Variants in C1QTNF8 observed in about 807,000 individuals in gnomAD.
C1QTNF8 encodes complement C1q tumor necrosis factor-related protein 8.
C1QTNF8 carries 27 observed loss-of-function variants against 19.2 expected under a neutral mutation model. The observed-to-expected ratio is 1.41, with a 90% CI of 1.04 to 1.94. The LOEUF is 1.94. C1QTNF8 is among the 30% of genes most tolerant of loss of function. C1QTNF8 has a pLI of 0.00. For synonymous variants in C1QTNF8, 208 were observed against 172.8 expected, an observed-to-expected ratio of 1.20 and a Z score of -1.60; for missense variants, 484 against 374.4, an observed-to-expected ratio of 1.29 and a Z score of -2.42.
intron 3 of C1QTNF8, 87 bp from the exon 4 acceptor site, chr16:1,094,138 A>G: frequency 9.0e-7 from 1 of 1,112,014 alleles, no homozygotes; most frequent in Non-Finnish European, 1.2e-6. Flanking sequence ...GCTGGGGCTC[A>G]AGGGTCACTG....
rs552274295 is a variant in C1QTNF8, at chr16:1,093,839, C to G, written c.421G>C (p.Glu141Gln). ...AAGGCGCCGTCCAGGTTCACCAGCT[C>G]CGTGTCGAAGGGCACCGCCTGGAAG... ...DHFQAVPFDT[E>Q]LVNLDGAFDL... Residue 141 changes from glutamate to glutamine, a missense_variant, in exon 4 of 5, where the codon GAG becomes CAG. Coordinates refer to ENST00000328449, the MANE Select transcript of C1QTNF8 (RefSeq NM_207419.3). The G allele has an allele frequency of 9.3e-6, 15 of 1,607,452 alleles. No individual in the cohort carries two copies. The highest frequency in any genetic ancestry group is 1.3e-5 in the Non-Finnish European group (15 of 1,179,278).
At position 1,095,058 on chromosome 16, in the gene C1QTNF8, G is replaced by A. The variant is rs548285972; in HGVS notation, c.-11-125C>T. 1.2e-4 allele frequency: 52 copies of A among 432,004 alleles called. 1 individual carries two copies. In the South Asian group the frequency reaches 4.5e-3, roughly 37 times the overall value. 26.8% of individuals were successfully genotyped at this position (432,004 alleles called of 1,614,324 possible). A position where few individuals can be genotyped will look rare whatever the true frequency, so the allele number is the denominator to read the frequency against. On this transcript the variant is annotated intron_variant, in intron 2 of 4. Coordinates refer to ENST00000328449, the MANE Select transcript of C1QTNF8 (RefSeq NM_207419.3). ...CCAGTGGAGGCGGGAGCTTCTGCCT[G>A]GGCACGGACGGTCCTGGCCCAGTGG...
rs115861586 is a variant in C1QTNF8, at chr16:1,094,592, G to C, written c.208+123C>G. On this transcript the variant is annotated intron_variant, in intron 3 of 4. Transcript: ENST00000328449. ...GGTCCCTGTGCAGGGAGCGCTGCCA[G>C]GGCAGACACTGGTGCTCAGCGTGCC... The C allele has an allele frequency of 2.1e-3, 1,517 of 726,516 alleles. 26 individuals carry two copies. In the African/African-American group the frequency reaches 0.026, roughly 12 times the overall value. The allele number at this position is 726,516 out of a possible 1,614,324, so 45.0% of individuals were successfully genotyped here. A position where few individuals can be genotyped will look rare whatever the true frequency, so the allele number is the denominator to read the frequency against.
chr16:1,093,454 A>ACGCGCGCGCGCGCGCGCG (rs768236099), intron 4 of C1QTNF8, 43 bp downstream of exon 4: 2 of 1,207,240 alleles, frequency 1.7e-6, no homozygotes, highest in East Asian at 4.0e-5. Flanking sequence ...ACACACACAC[A>ACGCGCGCGCGCGCGCGCG]CACGCGCGCG....
chr16:1,093,452 A>ACCCGCGCG, intron 4 of C1QTNF8, 45 bp downstream of exon 4: 1 of 1,229,946 alleles, frequency 8.1e-7, no homozygotes, highest in African/African-American at 2.4e-5. Flanking sequence ...AGACACACAC[A>ACCCGCGCG]CACACGCGCG....
chr16:1,091,662 G>A (rs1363105673), intron 4 of C1QTNF8, among the ~76,000 whole-genome samples: 2 of 152,132 alleles, frequency 1.3e-5, no homozygotes, highest in African/African-American at 2.4e-5. Context: ...CCCTGTCTAA[G>A]CATAAGGCAA....
In C1QTNF8 at chr16:1,094,801, C is replaced by T. The variant is rs771420199; in HGVS notation, c.122G>A (p.Arg41Gln). The T allele has an allele frequency of 7.8e-6, 12 of 1,529,674 alleles. No homozygotes were observed. Among genetic ancestry groups the T allele is most frequent in the East Asian group, 2.6e-5 (1 of 38,876 alleles). The allele number at this position is 1,529,674 out of a possible 1,614,324, so 94.8% of individuals were successfully genotyped here. The change falls in exon 3 of 5, where the codon CGG (arginine) becomes CAG (glutamine). Residue 41 changes from arginine to glutamine, a missense_variant. Transcript: ENST00000328449. Reference protein sequence around the residue: ...RPAWPPGPYARVSDRDLWRGD... With the variant: ...RPAWPPGPYAQVSDRDLWRGD... ...CCTCCACAGGTCCCTGTCACTCACC[C>T]GGGCATAGGGTCCAGGGGGCCAGGC...
rs182039006 is a variant in C1QTNF8 at position 1,093,472 on chromosome 16, G to A, written c.*4+25C>T. The A allele has an allele frequency of 7.6e-6, 10 of 1,310,060 alleles. No homozygotes were observed. The African/African-American group carries it at 9.5e-5, about 12-fold the overall frequency. The allele number at this position is 1,310,060 out of a possible 1,614,324, so 81.2% of individuals were successfully genotyped here. On this transcript the variant is annotated intron_variant, in intron 4 of 4. Transcript: ENST00000328449. ...CACACACACACGCGCGCGCGCGCCC[G>A]GTGCTCAGCCGCGGGGCCCCTCACC...
chr16:1,094,646 T>C (rs1960645245), intron 3 of C1QTNF8, 69 bp downstream of exon 3: 3 of 1,346,662 alleles, frequency 2.2e-6, no homozygotes, highest in South Asian at 2.7e-5. Flanking sequence ...AAGCCCCAGG[T>C]GCTCCCCACT....
chr16:1,093,415 CACACCCACCCCCA>C, intron 4 of C1QTNF8, 69 bp downstream of exon 4: 1 of 950,972 alleles, frequency 1.1e-6, no homozygotes, highest in Admixed American at 3.2e-5. Flanking sequence ...CACACACACC[CACACCCACCCCCA>C]CACACACACA....
At position 1,094,813 on chromosome 16, in the gene C1QTNF8, C is replaced by A. The variant is rs765790729; in HGVS notation, c.110G>T (p.Gly37Val). The A allele has an allele frequency of 6.7e-7, 1 of 1,496,858 alleles. No individual in the cohort carries two copies. Among genetic ancestry groups the A allele is most frequent in the South Asian group, 1.4e-5 (1 of 73,548 alleles). The allele number at this position is 1,496,858 out of a possible 1,614,324, so 92.7% of individuals were successfully genotyped here. The change falls in exon 3 of 5, where the codon GGA becomes GTA. Residue 37 changes from glycine to valine, a missense_variant. Gly to Val is a moderately radical substitution (Grantham distance 109, BLOSUM62 -3). Transcript: ENST00000328449. ...VHCCRPAWPPGPYARVSDRDL... is the reference protein window; with the variant it reads ...VHCCRPAWPPVPYARVSDRDL... ...CCTGTCACTCACCCGGGCATAGGGTCCAGGGGGCCAGGCCGGGCGGCAGCA... is the reference window on the plus strand; with the variant it reads ...CCTGTCACTCACCCGGGCATAGGGTACAGGGGGCCAGGCCGGGCGGCAGCA...
At position 1,089,743 on chromosome 16, in the gene C1QTNF8, C is replaced by T. The variant is rs1323538834; in HGVS notation, c.*856G>A. 1.3e-5 allele frequency among the ~76,000 whole-genome samples: 2 copies of T among 152,224 alleles called. No individual in the cohort carries two copies. The highest frequency in any genetic ancestry group is 6.5e-5 in the Admixed American group (1 of 15,288). On this transcript the variant is annotated 3_prime_UTR_variant, in exon 5 of 5. Coordinates refer to ENST00000328449, the MANE Select transcript of C1QTNF8 (RefSeq NM_207419.3). ...CCTGGCACCTCTTAGCGCCACCGGC[C>T]GTCAGCACACGGGGTAGGGCTGGGG...
Position 1,093,986 on chromosome 16 carries a change from C to T in C1QTNF8, c.274G>A (p.Ala92Thr), listed in dbSNP as rs545085874. 9.5e-6 allele frequency: 14 copies of T among 1,468,810 alleles called. No homozygotes were observed. Among genetic ancestry groups the T allele is most frequent in the Middle Eastern group, 2.0e-4 (1 of 5,086 alleles). The allele number at this position is 1,468,810 out of a possible 1,614,324, so 91.0% of individuals were successfully genotyped here. ...CCTCTGCGGCCCTGCAGGCCCCGGGCGCCTGGCGGCCCCTCTTTCCCGCTC... is the reference window on the plus strand; with the variant it reads ...CCTCTGCGGCCCTGCAGGCCCCGGGTGCCTGGCGGCCCCTCTTTCCCGCTC... ...GRSGKEGPPGARGLQGRRGQK... is the reference protein window; with the variant it reads ...GRSGKEGPPGTRGLQGRRGQK... The change falls in exon 4 of 5, where the codon GCC becomes ACC. Residue 92 changes from alanine (A) to threonine (T), a missense_variant. Coordinates refer to ENST00000328449, the MANE Select transcript of C1QTNF8 (RefSeq NM_207419.3).
In C1QTNF8 at chr16:1,093,702, C is replaced by T. The variant is rs753679851; in HGVS notation, c.558G>A (p.Arg186=). The T allele has an allele frequency of 6.2e-7, 1 of 1,611,368 alleles. No individual in the cohort carries two copies. The highest frequency in any genetic ancestry group is 1.1e-5 in the South Asian group (1 of 91,054). ...GCGCGTAGAGCACGGCCGCGGGCCGCCGGTTCAGCATGATGTGCAGGTAGG... is the reference window on the plus strand; with the variant it reads ...GCGCGTAGAGCACGGCCGCGGGCCGTCGGTTCAGCATGATGTGCAGGTAGG... ...KETYLHIMLN[R]RPAAVLYAQP... The change falls in exon 4 of 5, where the codon CGG becomes CGA. Residue 186 remains arginine (R), a synonymous_variant. Coordinates refer to ENST00000328449, the MANE Select transcript of C1QTNF8 (RefSeq NM_207419.3).
intron 4 of C1QTNF8, 41 bp downstream of exon 4, chr16:1,093,456 A>ACG (rs138526622): frequency 0.02 from 22,983 of 1,159,146 alleles, 357 homozygotes; most frequent in Middle Eastern, 0.039. Context: ...ACACACACAC[A>ACG]CGCGCGCGCG....
chr16:1,093,124 C>A (rs1960589937), intron 4 of C1QTNF8, among the ~76,000 whole-genome samples: 1 of 146,112 alleles, frequency 6.8e-6, no homozygotes, highest in Non-Finnish European at 1.5e-5. Context: ...TCCCTGCACA[C>A]AGTCGGTGCT....
intron 4 of C1QTNF8, among the ~76,000 whole-genome samples, chr16:1,092,626 G>A (rs539268493): frequency 2.9e-4 from 32 of 109,068 alleles, no homozygotes; most frequent in African/African-American, 1.3e-3. Flanking sequence ...CACACAGTCG[G>A]CGCTCAACCA....
In C1QTNF8 at chr16:1,089,475, C is replaced by G. The variant is rs1209187575; in HGVS notation, c.*1124G>C. 1.3e-5 allele frequency among the ~76,000 whole-genome samples: 2 copies of G among 152,202 alleles called. No individual in the cohort carries two copies. The highest frequency in any genetic ancestry group is 2.9e-5 in the Non-Finnish European group (2 of 68,034). ...CCTGCAAGCCCAGGGCCCCTCACAG[C>G]TGCTCTGGGGTCCCCGACAGAGGCC... On this transcript the variant is annotated 3_prime_UTR_variant, in exon 5 of 5. Transcript: ENST00000328449.
Position 1,088,256 on chromosome 16 carries a change from C to A in C1QTNF8, c.*2343G>T, listed in dbSNP as rs559482722. Among the ~76,000 whole-genome samples the A allele has an allele frequency of 4.1e-4, 63 of 152,360 alleles. 1 individual carries two copies. In the South Asian group the frequency reaches 0.012, roughly 30 times the overall value. On this transcript the variant is annotated 3_prime_UTR_variant, in exon 5 of 5. Coordinates refer to ENST00000328449, the MANE Select transcript of C1QTNF8 (RefSeq NM_207419.3). ...TTAAAATTGGATTTTTACTGGAATT[C>A]CACTAAACGGATAAAGTTACATGGG...
Sources: gnomAD v4.1 joint callset for allele counts (sites outside exome capture counted in the v4.1 genomes callset) on GRCh38, gnomAD v4.1.1 for gene constraint, MANE v1.5 for transcripts, NCBI Gene and HGNC (gene_info 2026-07-23, HGNC 2026-07-21) for gene names.